ATRNL1: variants seen among roughly 807,000 people sequenced by gnomAD.
The protein encoded by ATRNL1 is attractin-like protein 1.
Under a neutral mutation model 182.7 loss-of-function variants are expected in ATRNL1, and 95 were observed. That is an observed-to-expected ratio of 0.52 (90% CI 0.44 to 0.62). The LOEUF (loss-of-function observed/expected upper bound fraction) is 0.62. ATRNL1 is among the 20% of genes least tolerant of loss of function. The pLI is 0.00. For synonymous variants in ATRNL1, 576 were observed against 568.3 expected, an observed-to-expected ratio of 1.01 and a Z score of -0.19; for missense variants, 1,471 against 1,679.5, an observed-to-expected ratio of 0.88 and a Z score of 2.17.
intron 27 of ATRNL1, among the ~76,000 whole-genome samples, chr10:115,790,733 T>G (rs1252926022): frequency 6.6e-6 from 1 of 152,210 alleles, no homozygotes; most frequent in Non-Finnish European, 1.5e-5. Flanking sequence ...ATATTTCATC[T>G]GCTTTTCTAG....
chr10:115,224,552 C>T (rs893760988), intron 9 of ATRNL1, among the ~76,000 whole-genome samples: 32 of 152,044 alleles, frequency 2.1e-4, no homozygotes, highest in African/African-American at 7.7e-4. Context: ...CACCAAAACT[C>T]GACAAAGTTG....
intron 27 of ATRNL1, among the ~76,000 whole-genome samples, chr10:115,799,050 C>CAG (rs1216542708): frequency 6.6e-6 from 1 of 152,052 alleles, no homozygotes; most frequent in Non-Finnish European, 1.5e-5. Flanking sequence ...TGGTCTTGAA[C>CAG]TCCTGACCTC....
intron 28 of ATRNL1, among the ~76,000 whole-genome samples, chr10:115,855,257 GT>G (rs1209874978): frequency 2.6e-5 from 4 of 152,102 alleles, no homozygotes; most frequent in Admixed American, 2.0e-4. Flanking sequence ...TCATACTGCT[GT>G]TTCTTGTACC....
At chr10:115,639,275 G>A (rs560616094) in intron 26 of ATRNL1, among the ~76,000 whole-genome samples, 2 of 152,134 alleles carry the variant, frequency 1.3e-5, no homozygotes, top group Admixed American at 6.6e-5. Context: ...TTCAAACTGT[G>A]AATTCTGTGT....
At chr10:115,740,113 G>GATAA (rs797025170) in intron 27 of ATRNL1, among the ~76,000 whole-genome samples, 3,545 of 13,720 alleles carry the variant, frequency 0.26, 123 homozygotes, top group Middle Eastern at 0.5. Context: ...TTATACTTTA[G>GATAA]ATAAACATTT....
intron 17 of ATRNL1, among the ~76,000 whole-genome samples, chr10:115,307,157 C>G (rs1853776029): frequency 6.6e-6 from 1 of 152,160 alleles, no homozygotes; most frequent in African/African-American, 2.4e-5. Flanking sequence ...GTTCCTTTCT[C>G]TGTTCTGTTG....
chr10:115,662,594 A>G (rs1455153033), intron 26 of ATRNL1, among the ~76,000 whole-genome samples: 1 of 152,118 alleles, frequency 6.6e-6, no homozygotes, highest in Non-Finnish European at 1.5e-5. Flanking sequence ...AAGATATTTT[A>G]TCTTTTGAGA....
chr10:115,364,176 G>T (rs1186412150), intron 19 of ATRNL1, among the ~76,000 whole-genome samples: 1 of 141,552 alleles, frequency 7.1e-6, no homozygotes, highest in Non-Finnish European at 1.6e-5. Flanking sequence ...CCATTTGTTT[G>T]TATCCTCTTT....
rs781921607 is a variant in ATRNL1, at chr10:115,945,590, C to G, written c.*811C>G. 16 of 152,172 alleles carry G rather than the reference C, an allele frequency of 1.1e-4. No homozygotes were observed. Among genetic ancestry groups the G allele is most frequent in the Non-Finnish European group, 2.1e-4 (14 of 68,030 alleles). The allele number at this position is 152,172 out of a possible 1,614,324, so 9.4% of individuals were successfully genotyped here. On this transcript the variant is annotated 3_prime_UTR_variant, in exon 29 of 29. Coordinates refer to ENST00000355044, the MANE Select transcript of ATRNL1 (RefSeq NM_207303.4). ...GCCGAAATGGTTATTTTACAGCATA[C>G]AAGCTTCTGCTCCAGTATGATAATT... is the stretch of plus-strand genomic sequence containing the variant.
intron 26 of ATRNL1, among the ~76,000 whole-genome samples, chr10:115,702,976 CTAAGCAAAAAGAACAAACTATA>C (rs1410120884): frequency 6.6e-6 from 1 of 151,736 alleles, no homozygotes; most frequent in Admixed American, 6.6e-5. Flanking sequence ...CAAGGCAATA[CTAAGCAAAAAGAACAAACTATA>C]GACTTCAAAC....
At chr10:115,682,183 G>C (rs1470608563) in intron 26 of ATRNL1, among the ~76,000 whole-genome samples, 1 of 152,010 alleles carries the variant, frequency 6.6e-6, no homozygotes, top group Non-Finnish European at 1.5e-5. Context: ...AACTTACTGT[G>C]TGAATTTAGG....
chr10:115,774,169 A>G (rs1454368113), intron 27 of ATRNL1, among the ~76,000 whole-genome samples: 1 of 151,784 alleles, frequency 6.6e-6, no homozygotes, highest in Non-Finnish European at 1.5e-5. Context: ...GCCAAACACT[A>G]AAAGTAGATT....
At chr10:115,767,293 A>G (rs782449737) in intron 27 of ATRNL1, among the ~76,000 whole-genome samples, 2 of 152,168 alleles carry the variant, frequency 1.3e-5, no homozygotes, top group Admixed American at 6.5e-5. Context: ...CATTCATTAA[A>G]TAAGTACCAT....
At chr10:115,321,189 C>T (rs571453245) in intron 18 of ATRNL1, among the ~76,000 whole-genome samples, 172 of 152,034 alleles carry the variant, frequency 1.1e-3, no homozygotes, top group Non-Finnish European at 2.2e-3. Context: ...TTCACTTCAG[C>T]CCCTATTCAT....
intron 26 of ATRNL1, among the ~76,000 whole-genome samples, chr10:115,615,495 C>T (rs2133789412): frequency 6.6e-6 from 1 of 151,978 alleles, no homozygotes; most frequent in East Asian, 1.9e-4. Context: ...TGCTGTTAGT[C>T]TGATAGAGAT....
rs528535404 is a variant in ATRNL1, at chr10:115,907,682, A to G, written c.4019-36976A>G. Among the ~76,000 whole-genome samples the G allele has an allele frequency of 2.0e-4, 31 of 152,282 alleles. 1 individual carries two copies. The South Asian group carries it at 6.4e-3, about 32-fold the overall frequency. ...GGATCATTGCAGAATAATCATAACC[A>G]GTCATACATTATATAAGATACTTAT... On this transcript the variant is annotated intron_variant, in intron 28 of 28. Coordinates refer to ENST00000355044, the MANE Select transcript of ATRNL1 (RefSeq NM_207303.4).
intron 28 of ATRNL1, among the ~76,000 whole-genome samples, chr10:115,895,289 G>T (rs1952178568): frequency 6.6e-6 from 1 of 152,206 alleles, no homozygotes; most frequent in African/African-American, 2.4e-5. Context: ...ACACTGCACT[G>T]GTCCACCGGG....
chr10:115,242,904 A>T (rs1180650387), intron 10 of ATRNL1, among the ~76,000 whole-genome samples: 4 of 152,086 alleles, frequency 2.6e-5, no homozygotes, highest in Admixed American at 2.6e-4. Context: ...TAGGAGGCTC[A>T]TGAATCATTG....
intron 20 of ATRNL1, among the ~76,000 whole-genome samples, chr10:115,409,456 A>G (rs528762265): frequency 1.4e-4 from 22 of 152,304 alleles, no homozygotes; most frequent in African/African-American, 5.3e-4. Context: ...TCTATTAAAT[A>G]ATAGTGTTTT....
Sources: gnomAD v4.1 joint callset for allele counts (sites outside exome capture counted in the v4.1 genomes callset) on GRCh38, gnomAD v4.1.1 for gene constraint, MANE v1.5 for transcripts, NCBI Gene and HGNC (gene_info 2026-07-23, HGNC 2026-07-21) for gene names.